SPTBN1: variants seen among roughly 807,000 people sequenced by gnomAD.
The protein encoded by SPTBN1 is spectrin beta, non-erythrocytic 1.
A neutral mutation model predicts 266.4 loss-of-function variants in SPTBN1; 32 were observed. The observed-to-expected ratio is 0.12, with a 90% CI of 0.09 to 0.16. SPTBN1 has a LOEUF of 0.16. SPTBN1 is among the 10% of genes least tolerant of loss of function. The pLI, the probability that SPTBN1 is intolerant of heterozygous loss-of-function variation, is 1.00. For missense variants in SPTBN1, 2,296 were observed against 3,067.1 expected (o/e 0.75, Z 5.94); for synonymous variants, 1,336 against 1,162.2 (o/e 1.15, Z -3.04).
intron 28 of SPTBN1, 151 bp from the exon 29 acceptor site, chr2:54,655,763 C>G (rs1680609960): frequency 1.8e-6 from 1 of 567,066 alleles, no homozygotes; most frequent in Non-Finnish European, 3.1e-6. Context: ...CTTTCCTCTC[C>G]CAGTCCTCAG....
At chr2:54,563,098 G>T (rs201320944) in intron 2 of SPTBN1, among the ~76,000 whole-genome samples, 1 of 152,142 alleles carries the variant, frequency 6.6e-6, no homozygotes, top group East Asian at 1.9e-4. Flanking sequence ...TAGGCTGCAC[G>T]GTGTTCTGTA....
chr2:54,556,772 G>A (rs947016777), intron 2 of SPTBN1, among the ~76,000 whole-genome samples: 1 of 152,076 alleles, frequency 6.6e-6, no homozygotes, highest in African/African-American at 2.4e-5. Context: ...ATAATTTTTA[G>A]AACATTTCCA....
chr2:54,509,908 G>A lies in SPTBN1; in HGVS notation c.-47-16464G>A, dbSNP rs1339301234. 2.0e-5 allele frequency among the ~76,000 whole-genome samples: 3 copies of A among 151,508 alleles called. No homozygotes were observed. The South Asian group carries it at 6.3e-4, about 32-fold the overall frequency. ...CACCTGGCCTTTTCTTTGTGCAAATGGGTGGGTGCAGGGGAACCATAGTGT... is the reference window on the plus strand; with the variant it reads ...CACCTGGCCTTTTCTTTGTGCAAATAGGTGGGTGCAGGGGAACCATAGTGT... On this transcript the variant is annotated intron_variant, in intron 1 of 35. Coordinates refer to ENST00000356805, the MANE Select transcript of SPTBN1 (RefSeq NM_003128.3).
chr2:54,571,568 C>CACAT (rs1558854007), intron 2 of SPTBN1, among the ~76,000 whole-genome samples: 2 of 52,156 alleles, frequency 3.8e-5, no homozygotes. Flanking sequence ...CACACACACA[C>CACAT]ACACACATAC....
intron 1 of SPTBN1, 39 bp from the exon 2 acceptor site, chr2:54,526,333 C>T: frequency 1.9e-6 from 3 of 1,550,474 alleles, no homozygotes; most frequent in East Asian, 2.3e-5. Flanking sequence ...ACTGTATACA[C>T]TTCAGACGTC....
intron 1 of SPTBN1, among the ~76,000 whole-genome samples, chr2:54,504,714 A>G (rs764016068): frequency 7.2e-5 from 11 of 152,172 alleles, no homozygotes; most frequent in Non-Finnish European, 8.8e-5. Context: ...CCTGGAACCA[A>G]TTGCCCATGG....
intron 1 of SPTBN1, among the ~76,000 whole-genome samples, chr2:54,468,168 G>A (rs1163886690): frequency 1.3e-5 from 2 of 152,096 alleles, no homozygotes; most frequent in African/African-American, 4.8e-5. Flanking sequence ...TTGGCTGGGT[G>A]TGGTGGTGGG....
At position 54,670,848 on chromosome 2, in the gene SPTBN1, G is replaced by A. The variant is rs1449037654; in HGVS notation, c.*2279G>A. ...CTGAATGTGGAAGATGATGGGCAGC[G>A]AGAGGAGCGTCAGAAGACCCCAGTC... On this transcript the variant is annotated 3_prime_UTR_variant, in exon 36 of 36. Coordinates refer to ENST00000356805, the MANE Select transcript of SPTBN1 (RefSeq NM_003128.3). 4 of 398,288 alleles carry A rather than the reference G, an allele frequency of 1.0e-5. No individual in the cohort carries two copies. The highest frequency in any genetic ancestry group is 1.3e-4 in the South Asian group (1 of 7,850). The allele number at this position is 398,288 out of a possible 1,614,324, so 24.7% of individuals were successfully genotyped here. A position where few individuals can be genotyped will look rare whatever the true frequency, so the allele number is the denominator to read the frequency against.
chr2:54,497,548 G>C (rs1185571071), intron 1 of SPTBN1, among the ~76,000 whole-genome samples: 1 of 152,162 alleles, frequency 6.6e-6, no homozygotes, highest in African/African-American at 2.4e-5. Flanking sequence ...TTACTGAACA[G>C]TGACTTGGTG....
At chr2:54,481,749 T>C (rs543236627) in intron 1 of SPTBN1, among the ~76,000 whole-genome samples, 16 of 151,894 alleles carry the variant, frequency 1.1e-4, no homozygotes, top group African/African-American at 3.6e-4. Context: ...GCGCAGAGAG[T>C]GTGTGGATGG....
chr2:54,541,680 A>G (rs758937341), intron 2 of SPTBN1, among the ~76,000 whole-genome samples: 15 of 152,220 alleles, frequency 9.9e-5, no homozygotes, highest in East Asian at 3.8e-4. Flanking sequence ...AAAAAACTCA[A>G]TGGATGACTT....
rs940518200 is a variant in SPTBN1, at chr2:54,489,168, A to G, written c.-48+32650A>G. On this transcript the variant is annotated intron_variant, in intron 1 of 35. Coordinates refer to ENST00000356805, the MANE Select transcript of SPTBN1 (RefSeq NM_003128.3). The stretch of plus-strand genomic sequence containing the variant: ...TCTGTATTTAAAAAAAAAAAAAAAA[A>G]AAAAAAACCAGGCATGGTGGTGTGT... Among the ~76,000 whole-genome samples, 71 of 150,892 alleles carry G rather than the reference A, an allele frequency of 4.7e-4. 1 individual carries two copies. Among genetic ancestry groups the G allele is most frequent in the African/African-American group, 1.6e-3 (67 of 41,120 alleles).
intron 1 of SPTBN1, among the ~76,000 whole-genome samples, chr2:54,465,343 A>C (rs1693571912): frequency 6.6e-6 from 1 of 152,090 alleles, no homozygotes. Flanking sequence ...GCATGTTCTC[A>C]CTCGTGGAAA....
intron 2 of SPTBN1, chr2:54,559,027 G>A (rs1459100620): frequency 1.9e-5 from 18 of 942,718 alleles, no homozygotes; most frequent in Non-Finnish European, 1.2e-5. Context: ...CCCCATTCAC[G>A]ACTTAGGGAA....
At chr2:54,596,364 C>T (rs1676093265) in intron 2 of SPTBN1, among the ~76,000 whole-genome samples, 1 of 152,196 alleles carries the variant, frequency 6.6e-6, no homozygotes, top group Non-Finnish European at 1.5e-5. Flanking sequence ...CCTCTGTCTC[C>T]CTCCTTCCAA....
intron 1 of SPTBN1, among the ~76,000 whole-genome samples, chr2:54,464,520 G>C (rs1693527345): frequency 6.6e-6 from 1 of 152,164 alleles, no homozygotes; most frequent in African/African-American, 2.4e-5. Flanking sequence ...ATGGTAGGTT[G>C]ATGGGTGATT....
intron 1 of SPTBN1, chr2:54,520,539 C>G (rs1441928054): frequency 6.6e-6 from 1 of 152,094 alleles, no homozygotes; most frequent in East Asian, 1.9e-4. Flanking sequence ...TTCTGTGCAT[C>G]TTATGGAAAA....
intron 16 of SPTBN1, among the ~76,000 whole-genome samples, chr2:54,632,324 T>G (rs191181319): frequency 1.3e-5 from 2 of 152,172 alleles, no homozygotes; most frequent in Non-Finnish European, 2.9e-5. Flanking sequence ...CACAAAGCTT[T>G]GGTTCCTTTC....
At chr2:54,666,147 G>A (rs370555973) in intron 34 of SPTBN1, 59 bp downstream of exon 34, 5 of 1,524,920 alleles carry the variant, frequency 3.3e-6, no homozygotes, top group South Asian at 2.5e-5. Context: ...TCCACTCTGG[G>A]GTTTGGTTTT....
Sources: gnomAD v4.1 joint callset for allele counts (sites outside exome capture counted in the v4.1 genomes callset) on GRCh38, gnomAD v4.1.1 for gene constraint, MANE v1.5 for transcripts, NCBI Gene and HGNC (gene_info 2026-07-23, HGNC 2026-07-21) for gene names.